PCDHGB5: variants seen among roughly 807,000 people sequenced by gnomAD.
The protein encoded by PCDHGB5 is protocadherin gamma subfamily B, 5, also known as protocadherin gamma-B5.
Under a neutral mutation model 62.9 loss-of-function variants are expected in PCDHGB5, and 48 were observed. The observed-to-expected ratio is 0.76, with a 90% confidence interval of 0.61 to 0.97. The LOEUF (loss-of-function observed/expected upper bound fraction) is 0.97. PCDHGB5 is among the 50% of genes least tolerant of loss of function. The pLI is 0.00. For synonymous variants in PCDHGB5, 474 were observed against 511.2 expected (o/e 0.93, Z 0.98); for missense variants, 1,118 against 1,198.6 (o/e 0.93, Z 0.99).
At chr5:141,479,366 T>A (rs2099494042) in intron 1 of PCDHGB5, 1 of 152,302 alleles carries the variant, frequency 6.6e-6, no homozygotes, top group Non-Finnish European at 1.5e-5. Flanking sequence ...GTGCCTGAGG[T>A]GGGAGGATTG....
At chr5:141,495,558 A>G (rs2099762084) in intron 2 of PCDHGB5, among the ~76,000 whole-genome samples, 1 of 151,662 alleles carries the variant, frequency 6.6e-6, no homozygotes, top group Admixed American at 6.6e-5. Flanking sequence ...TCGCTTTGCA[A>G]TCTCTGCCTC....
chr5:141,473,186 T>C (rs984810414), intron 1 of PCDHGB5, among the ~76,000 whole-genome samples: 1 of 152,134 alleles, frequency 6.6e-6, no homozygotes, highest in African/African-American at 2.4e-5. Flanking sequence ...CTTGAAGGAG[T>C]AAATGTATCT....
Position 141,489,084 on chromosome 5 carries a change from C to T in PCDHGB5, c.2398-5723C>T, listed in dbSNP as rs1232276875. On this transcript the variant is annotated intron_variant, in intron 1 of 3. Transcript: ENST00000617380. This position sits in a 1 kb window ranked among gnomAD's most constrained non-coding sequence, Gnocchi z 4.5. ...CTCCCCCCTGCCCACCCCCGCCACTCGGTGACTAAGAACTGCTGCAAGCAG... is the reference window on the plus strand; with the variant it reads ...CTCCCCCCTGCCCACCCCCGCCACTTGGTGACTAAGAACTGCTGCAAGCAG... The T allele has an allele frequency of 1.5e-5, 5 of 329,072 alleles. No homozygotes were observed. Among genetic ancestry groups the T allele is most frequent in the South Asian group, 1.3e-4 (2 of 15,846 alleles). The allele number at this position is 329,072 out of a possible 1,614,324, so 20.4% of individuals were successfully genotyped here. A position where few individuals can be genotyped will look rare whatever the true frequency, so the allele number is the denominator to read the frequency against.
chr5:141,490,143 A>G lies in PCDHGB5; in HGVS notation c.2398-4664A>G. On this transcript the variant is annotated intron_variant, in intron 1 of 3. Transcript: ENST00000617380. The surrounding 1 kb of genome is among the most constrained non-coding windows in gnomAD (Gnocchi z 5.4). ...TTGGCCTAGACCCTAGCAGTGGGGC[A>G]ATCCATGTGTTGGGTCCCATAGACT... is the stretch of plus-strand genomic sequence containing the variant. 1 of 1,614,234 alleles carries G rather than the reference A, an allele frequency of 6.2e-7. No homozygotes were observed. The highest frequency in any genetic ancestry group is 8.5e-7 in the Non-Finnish European group (1 of 1,180,034).
chr5:141,438,072 A>C (rs761630845), intron 1 of PCDHGB5, among the ~76,000 whole-genome samples: 1 of 152,158 alleles, frequency 6.6e-6, no homozygotes, highest in Non-Finnish European at 1.5e-5. Flanking sequence ...AACCATACTT[A>C]ATGGAAAATT....
rs748803155 is a variant in PCDHGB5, at chr5:141,490,087, G to A, written c.2398-4720G>A. On this transcript the variant is annotated intron_variant, in intron 1 of 3. Coordinates refer to ENST00000617380, the MANE Select transcript of PCDHGB5 (RefSeq NM_018925.3). The surrounding 1 kb of genome is among the most constrained non-coding windows in gnomAD (Gnocchi z 5.4). ...CGGCCAACTAGACTATTCTTTTGGA[G>A]ACCACACATCTGAGGCAGTGCGGAA... 2.5e-6 allele frequency: 4 copies of A among 1,614,244 alleles called. No homozygotes were observed. The highest frequency in any genetic ancestry group is 1.3e-5 in the African/African-American group (1 of 75,068).
chr5:141,433,993 T>G (rs1367687577), intron 1 of PCDHGB5, among the ~76,000 whole-genome samples: 1 of 152,216 alleles, frequency 6.6e-6, no homozygotes, highest in Non-Finnish European at 1.5e-5. Context: ...GAGTTTTATA[T>G]TCTCTATATA....
At chr5:141,443,054 A>G (rs1591749542) in intron 1 of PCDHGB5, among the ~76,000 whole-genome samples, 1 of 152,218 alleles carries the variant, frequency 6.6e-6, no homozygotes. Flanking sequence ...TTATTGTTCC[A>G]CTGAAGAGCG....
Position 141,399,210 on chromosome 5 carries a change from A to G in PCDHGB5, c.1083A>G (p.Leu361=). Reference sequence around the variant, plus strand: ...TGGAAAACGCGGTGCCTGGAACACTAATTGCTTTGATCAAAATACATGACC... The same window carrying G: ...TGGAAAACGCGGTGCCTGGAACACTGATTGCTTTGATCAAAATACATGACC... ...MILENAVPGT[L]IALIKIHDQD... The change falls in exon 1 of 4, where the codon CTA becomes CTG. Residue 361 remains leucine (L), a synonymous_variant. Transcript: ENST00000617380. 2 of 1,613,974 alleles carry G rather than the reference A, an allele frequency of 1.2e-6. No homozygotes were observed. The highest frequency in any genetic ancestry group is 1.7e-6 in the Non-Finnish European group (2 of 1,179,874).
chr5:141,502,475 A>G (rs1246548191), intron 2 of PCDHGB5, among the ~76,000 whole-genome samples: 1 of 150,884 alleles, frequency 6.6e-6, no homozygotes, highest in Non-Finnish European at 1.5e-5. Context: ...TTCCCGCAGC[A>G]TCACACTGGG....
chr5:141,476,952 T>A lies in PCDHGB5; in HGVS notation c.2398-17855T>A, dbSNP rs1463851594. On this transcript the variant is annotated intron_variant, in intron 1 of 3. Transcript: ENST00000617380. This position sits in a 1 kb window ranked among gnomAD's most constrained non-coding sequence, Gnocchi z 7.6. ...CTGGATGAAGGCCCCAACGGTGAAA[T>A]TATTTACTCCTTCGGCAGCCACAAC... 1 of 1,614,052 alleles carries A rather than the reference T, an allele frequency of 6.2e-7. No individual in the cohort carries two copies. Among genetic ancestry groups the A allele is most frequent in the Non-Finnish European group, 8.5e-7 (1 of 1,180,038 alleles).
Position 141,432,668 on chromosome 5 carries a change from G to C in PCDHGB5, c.2397+32144G>C, listed in dbSNP as rs1202414814. 2.5e-6 allele frequency: 4 copies of C among 1,613,742 alleles called. No individual in the cohort carries two copies. The highest frequency in any genetic ancestry group is 2.2e-5 in the South Asian group (2 of 91,068). On this transcript the variant is annotated intron_variant, in intron 1 of 3. Coordinates refer to ENST00000617380, the MANE Select transcript of PCDHGB5 (RefSeq NM_018925.3). This position sits in a 1 kb window ranked among gnomAD's most constrained non-coding sequence, Gnocchi z 6.0. The stretch of plus-strand genomic sequence containing the variant: ...GGCGCGAGCCCTGCTGGACAGAGAC[G>C]CGCTCAAGCAGAGCCTCGTAGTGGC...
At position 141,403,188 on chromosome 5, in the gene PCDHGB5, C is replaced by T. The variant is rs763950254; in HGVS notation, c.2397+2664C>T. ...AGGACGCAGCTTTTCTCTCTGAACCCGCGCAGCGGCACCTTGGTCACCGCG... is the reference window on the plus strand; with the variant it reads ...AGGACGCAGCTTTTCTCTCTGAACCTGCGCAGCGGCACCTTGGTCACCGCG... On this transcript the variant is annotated intron_variant, in intron 1 of 3. Coordinates refer to ENST00000617380, the MANE Select transcript of PCDHGB5 (RefSeq NM_018925.3). 5 of 1,613,850 alleles carry T rather than the reference C, an allele frequency of 3.1e-6. No individual in the cohort carries two copies. The African/African-American group carries it at 4.0e-5, about 13-fold the overall frequency.
rs772487189 is a variant in PCDHGB5 at position 141,415,555 on chromosome 5, C to G, written c.2397+15031C>G. 5 of 1,613,954 alleles carry G rather than the reference C, an allele frequency of 3.1e-6. No homozygotes were observed. In the African/African-American group the frequency reaches 6.7e-5, roughly 22 times the overall value. On this transcript the variant is annotated intron_variant, in intron 1 of 3. Transcript: ENST00000617380. ...CCAGGAGAGCTGTGAGAAAAACGAT[C>G]CTTTGTCTTTGTTAGATGATTCGAA...
At chr5:141,422,289 T>G in intron 1 of PCDHGB5, 1 of 1,553,678 alleles carries the variant, frequency 6.4e-7, no homozygotes, top group African/African-American at 1.4e-5. Context: ...CCTCTTCTAT[T>G]AATTCAATTC....
chr5:141,478,711 T>A, intron 1 of PCDHGB5: 1 of 1,547,346 alleles, frequency 6.5e-7, no homozygotes, highest in Non-Finnish European at 8.7e-7. Flanking sequence ...CTTTGTGAGA[T>A]GGTGGCCTGC....
chr5:141,406,553 C>T (rs990498102), intron 1 of PCDHGB5, among the ~76,000 whole-genome samples: 1 of 152,150 alleles, frequency 6.6e-6, no homozygotes, highest in African/African-American at 2.4e-5. Flanking sequence ...CTTCAGTTAT[C>T]CACTTCCAAA....
intron 1 of PCDHGB5, among the ~76,000 whole-genome samples, chr5:141,446,150 A>G (rs754792549): frequency 6.6e-6 from 1 of 152,216 alleles, no homozygotes; most frequent in Non-Finnish European, 1.5e-5. Flanking sequence ...GAATAGGTGG[A>G]ATATAAATTT....
At chr5:141,500,672 C>A (rs2099801937) in intron 2 of PCDHGB5, among the ~76,000 whole-genome samples, 1 of 152,156 alleles carries the variant, frequency 6.6e-6, no homozygotes, top group South Asian at 2.1e-4. Context: ...TACTGTCCAA[C>A]AGAATTATAG....
Sources: gnomAD v4.1 joint callset for allele counts (sites outside exome capture counted in the v4.1 genomes callset) on GRCh38, gnomAD v4.1.1 for gene constraint, Gnocchi (gnomAD v3.1) non-coding constraint, MANE v1.5 for transcripts, NCBI Gene and HGNC (gene_info 2026-07-23, HGNC 2026-07-21) for gene names.